DYNC2I1: variants seen among roughly 807,000 people sequenced by gnomAD.
DYNC2I1 encodes the protein dynein 2 intermediate chain 1.
DYNC2I1 carries 89 observed loss-of-function variants against 133.4 expected under a neutral mutation model. That is an observed-to-expected ratio of 0.67 (90% confidence interval 0.56 to 0.80). The LOEUF is 0.80. DYNC2I1 is among the 30% of genes least tolerant of loss of function. The probability of loss-of-function intolerance (pLI) is 0.00; values close to 1 mark genes in which losing one functional copy is unlikely to be tolerated. For synonymous variants in DYNC2I1, 504 were observed against 484.3 expected, an observed-to-expected ratio of 1.04 and a Z score of -0.54; for missense variants, 1,291 against 1,314.5, an observed-to-expected ratio of 0.98 and a Z score of 0.28.
At chr7:158,891,190 G>GA in intron 7 of DYNC2I1, 75 bp from the exon 8 acceptor site, 2 of 1,509,640 alleles carry the variant, frequency 1.3e-6, no homozygotes, top group Non-Finnish European at 9.2e-7. Flanking sequence ...GTGGTGGGGT[G>GA]GGGGGGAGCT....
At position 158,941,905 on chromosome 7, in the gene DYNC2I1, T is replaced by C. The variant is rs1851407773; in HGVS notation, c.2779-20T>C. ...AAGAAAAAGGCCATGCTCAGCAGTG[T>C]TCTTTCTTCCTGGTCATAGGCCGGC... On this transcript the variant is annotated intron_variant, in intron 23 of 24. Transcript: ENST00000407559. 6.3e-7 allele frequency: 1 copy of C among 1,577,826 alleles called. No homozygotes were observed. Among genetic ancestry groups the C allele is most frequent in the African/African-American group, 1.4e-5 (1 of 74,044 alleles).
intron 5 of DYNC2I1, among the ~76,000 whole-genome samples, chr7:158,883,586 A>T (rs73529708): frequency 0.021 from 2,927 of 142,046 alleles, 93 homozygotes; most frequent in African/African-American, 0.071. Flanking sequence ...TCCTCCAGTT[A>T]TCAATTTGAG....
intron 21 of DYNC2I1, among the ~76,000 whole-genome samples, chr7:158,933,771 T>C (rs6965685): frequency 0.67 from 101,240 of 152,156 alleles, 34,018 homozygotes; most frequent in Non-Finnish European, 0.71. Flanking sequence ...CATGAAGAAA[T>C]AGTCTACCTT....
At chr7:158,848,622 C>T in the DYNC2I1 span, among the ~76,000 whole-genome samples, 7,497 of 152,152 alleles carry the variant, frequency 0.049, 519 homozygotes, top group African/African-American at 0.15. Context: ...TTTACAACAC[C>T]ATCAAAAATT....
At chr7:158,956,853 G>T (rs968501313), downstream of DYNC2I1, 1 of 152,308 alleles carries the variant, frequency 6.6e-6, no homozygotes, top group African/African-American at 2.4e-5. Flanking sequence ...AGCTGCCCAG[G>T]CTCTTCCTCT....
chr7:158,868,286 G>A (rs842694), intron 1 of DYNC2I1, among the ~76,000 whole-genome samples: 4 of 152,122 alleles, frequency 2.6e-5, no homozygotes, highest in Admixed American at 1.3e-4. Flanking sequence ...TCCGGATGCC[G>A]CCTTTCCCGG....
At chr7:158,924,601 T>A (rs1273786223) in intron 17 of DYNC2I1, among the ~76,000 whole-genome samples, 1 of 151,570 alleles carries the variant, frequency 6.6e-6, no homozygotes, top group East Asian at 1.9e-4. Flanking sequence ...ACTTATGGGT[T>A]GCGATGCTAT....
intron 23 of DYNC2I1, among the ~76,000 whole-genome samples, chr7:158,936,373 G>C (rs1310959492): frequency 6.6e-6 from 1 of 152,082 alleles, no homozygotes. Context: ...TGGGGCCACA[G>C]AGAGTAGAAA....
intron 2 of DYNC2I1, among the ~76,000 whole-genome samples, chr7:158,870,147 T>G (rs1316004888): frequency 6.6e-6 from 1 of 152,074 alleles, no homozygotes; most frequent in Non-Finnish European, 1.5e-5. Context: ...CCGCACTGCT[T>G]TAGGGCAGGG....
At chr7:158,858,806 T>TC (rs978197452) in intron 1 of DYNC2I1, among the ~76,000 whole-genome samples, 1 of 86,354 alleles carries the variant, frequency 1.2e-5, no homozygotes, top group Non-Finnish European at 2.3e-5. Flanking sequence ...GAGTATCCCC[T>TC]CCCCCCACTT....
At chr7:158,884,659 C>A in intron 6 of DYNC2I1, 40 bp downstream of exon 6, 2 of 1,603,998 alleles carry the variant, frequency 1.2e-6, no homozygotes, top group Non-Finnish European at 8.5e-7. Context: ...TTACGTGTGC[C>A]GCTCTCATGG....
chr7:158,881,810 C>T (rs112149762), intron 5 of DYNC2I1, among the ~76,000 whole-genome samples: 53 of 152,286 alleles, frequency 3.5e-4, no homozygotes, highest in African/African-American at 1.1e-3. Flanking sequence ...TTTCTCCCAA[C>T]GTTGTGTTAC....
chr7:158,892,051 G>A (rs1016160168), intron 8 of DYNC2I1, among the ~76,000 whole-genome samples: 1 of 152,168 alleles, frequency 6.6e-6, no homozygotes, highest in Non-Finnish European at 1.5e-5. Context: ...TCAGGGGTGC[G>A]TGCCCCAGTG....
intron 4 of DYNC2I1, among the ~76,000 whole-genome samples, chr7:158,954,362 A>C (rs1250643053): frequency 1.3e-5 from 2 of 152,224 alleles, no homozygotes; most frequent in Admixed American, 6.5e-5. Flanking sequence ...AATTACATTT[A>C]GTCTGGGTGT....
chr7:158,939,880 T>C (rs1043505815), intron 23 of DYNC2I1, among the ~76,000 whole-genome samples: 2 of 152,216 alleles, frequency 1.3e-5, no homozygotes, highest in African/African-American at 4.8e-5. Context: ...AAGGGGTCTA[T>C]ATATAATGAT....
Position 158,945,770 on chromosome 7 carries a change from G to A in DYNC2I1, c.3192G>A (p.Leu1064=), listed in dbSNP as rs937546808. The change falls in exon 25 of 25, where the codon CTG becomes CTA. Residue 1064 remains leucine, a synonymous_variant. Coordinates refer to ENST00000407559, the MANE Select transcript of DYNC2I1 (RefSeq NM_018051.5). This position sits in a 1 kb window ranked among gnomAD's most constrained non-coding sequence, Gnocchi z 4.1. ...AAGCCCTGTGGCCAGAGGGAAAACT[G>A]CACAAGTAGCGGGTGTGGCTGAGAG... The part of the protein sequence containing the change: ...LQEALWPEGK[L]HK 2.6e-6 allele frequency: 4 copies of A among 1,563,464 alleles called. No individual in the cohort carries two copies. Among genetic ancestry groups the A allele is most frequent in the Non-Finnish European group, 3.5e-6 (4 of 1,153,962 alleles).
intron 24 of DYNC2I1, 109 bp downstream of exon 24, chr7:158,942,257 G>A: frequency 2.6e-6 from 2 of 775,508 alleles, no homozygotes; most frequent in Non-Finnish European, 4.0e-6. Context: ...TACATTTTAA[G>A]ATGTGGCCAT....
At chr7:158,955,843 G>A (rs1852185161) in intron 4 of DYNC2I1, among the ~76,000 whole-genome samples, 1 of 152,224 alleles carries the variant, frequency 6.6e-6, no homozygotes. Flanking sequence ...GAGCCACAAA[G>A]CTGGAGAAGC....
chr7:158,860,879 C>G (rs1374093086), intron 1 of DYNC2I1, among the ~76,000 whole-genome samples: 2 of 152,154 alleles, frequency 1.3e-5, no homozygotes, highest in Non-Finnish European at 2.9e-5. Context: ...TTTAGAAAGG[C>G]TGAATGTTTT....
Sources: gnomAD v4.1 joint callset for allele counts (sites outside exome capture counted in the v4.1 genomes callset) on GRCh38, gnomAD v4.1.1 for gene constraint, Gnocchi (gnomAD v3.1) non-coding constraint, MANE v1.5 for transcripts, NCBI Gene and HGNC (gene_info 2026-07-23, HGNC 2026-07-21) for gene names.